The following FAM135B variants were observed in gnomAD, a reference collection of about 807,000 sequenced individuals.
The protein encoded by FAM135B is protein FAM135B.
A neutral mutation model predicts 127.7 loss-of-function variants in FAM135B; 43 were observed. The observed-to-expected ratio is 0.34, with a 90% CI of 0.26 to 0.43. The LOEUF is 0.43. Among genes scored for constraint, FAM135B ranks in the 20% least tolerant of loss-of-function variants. FAM135B has a pLI of 1.00. For missense variants in FAM135B, 1,558 were observed against 1,725.6 expected, an observed-to-expected ratio of 0.90 and a Z score of 1.72; for synonymous variants, 670 against 665.1, an observed-to-expected ratio of 1.01 and a Z score of -0.11.
At chr8:138,376,395 C>T (rs1433447586) in intron 1 of FAM135B, among the ~76,000 whole-genome samples, 1 of 152,202 alleles carries the variant, frequency 6.6e-6, no homozygotes, top group Admixed American at 6.5e-5. Context: ...ATATTCCCAC[C>T]TCTTCCATGT....
At chr8:138,217,802 T>G (rs776524519) in intron 7 of FAM135B, among the ~76,000 whole-genome samples, 1 of 152,188 alleles carries the variant, frequency 6.6e-6, no homozygotes, top group Non-Finnish European at 1.5e-5. Context: ...TGTATCAGTG[T>G]TCATGAACTA....
At chr8:138,403,167 A>T (rs1833246912) in intron 1 of FAM135B, among the ~76,000 whole-genome samples, 1 of 152,186 alleles carries the variant, frequency 6.6e-6, no homozygotes, top group Admixed American at 6.5e-5. Flanking sequence ...TATTTATCTC[A>T]CTTACTCCAC....
At chr8:138,470,309 C>T (rs867249875) in intron 1 of FAM135B, among the ~76,000 whole-genome samples, 2 of 152,170 alleles carry the variant, frequency 1.3e-5, no homozygotes, top group Middle Eastern at 6.8e-3. Flanking sequence ...GTATAAAAAC[C>T]ATATACACCC....
chr8:138,456,826 C>T (rs1836806486), intron 1 of FAM135B, among the ~76,000 whole-genome samples: 1 of 152,034 alleles, frequency 6.6e-6, no homozygotes, highest in Non-Finnish European at 1.5e-5. Context: ...GGTCTATATA[C>T]ATCAGTACTT....
intron 2 of FAM135B, among the ~76,000 whole-genome samples, chr8:138,341,061 G>C (rs1829013850): frequency 6.6e-6 from 1 of 152,062 alleles, no homozygotes; most frequent in South Asian, 2.1e-4. Context: ...TTTAGGACTG[G>C]GTATAAACCC....
chr8:138,407,348 G>A (rs201148835), intron 1 of FAM135B, among the ~76,000 whole-genome samples: 41 of 152,116 alleles, frequency 2.7e-4, no homozygotes, highest in Non-Finnish European at 4.9e-4. Context: ...TAATTTATAG[G>A]TTCAATGCCA....
intron 1 of FAM135B, among the ~76,000 whole-genome samples, chr8:138,455,997 A>C (rs981216468): frequency 5.3e-5 from 8 of 152,318 alleles, no homozygotes; most frequent in African/African-American, 1.4e-4. Flanking sequence ...TCTGTCTCTC[A>C]AATGGGAAAA....
Position 138,132,969 on chromosome 8 carries a change from C to G in FAM135B, c.4016-171G>C, listed in dbSNP as rs888991203. Among the ~76,000 whole-genome samples the G allele has an allele frequency of 6.6e-6, 1 of 152,196 alleles. No homozygotes were observed. The highest frequency in any genetic ancestry group is 1.5e-5 in the Non-Finnish European group (1 of 68,034). On this transcript the variant is annotated intron_variant, in intron 19 of 19. Transcript: ENST00000395297. The surrounding 1 kb of genome is among the most constrained non-coding windows in gnomAD (Gnocchi z 4.5). ...TAATATGAAATAAAATCAAAGTTCT[C>G]TTTTTCTAGTCAGATGACAATAGCC...
At chr8:138,199,518 G>A (rs1219178910) in intron 7 of FAM135B, among the ~76,000 whole-genome samples, 1 of 152,214 alleles carries the variant, frequency 6.6e-6, no homozygotes, top group East Asian at 1.9e-4. Context: ...CGGCCTTGGG[G>A]CAAGGACCAG....
chr8:138,411,203 C>T (rs1023749634), intron 1 of FAM135B, among the ~76,000 whole-genome samples: 2 of 151,650 alleles, frequency 1.3e-5, no homozygotes, highest in African/African-American at 2.4e-5. Flanking sequence ...GCCAAAAGAA[C>T]AAAGCTGGAG....
chr8:138,276,539 G>A (rs1441183553), intron 3 of FAM135B, among the ~76,000 whole-genome samples: 7 of 152,158 alleles, frequency 4.6e-5, no homozygotes, highest in African/African-American at 1.4e-4. Flanking sequence ...AGCAGGGCCT[G>A]CCCACTCCAG....
At chr8:138,188,460 T>G (rs927724426) in intron 9 of FAM135B, among the ~76,000 whole-genome samples, 1 of 152,284 alleles carries the variant, frequency 6.6e-6, no homozygotes, top group South Asian at 2.1e-4. Context: ...GTCAGAGAGT[T>G]GGCAAGGTTG....
chr8:138,222,301 T>C (rs1819083008), intron 7 of FAM135B, among the ~76,000 whole-genome samples: 1 of 152,068 alleles, frequency 6.6e-6, no homozygotes, highest in South Asian at 2.1e-4. Context: ...TGAATGGCAA[T>C]CGCCTGCCCA....
At chr8:138,401,227 A>T (rs927908282) in intron 1 of FAM135B, among the ~76,000 whole-genome samples, 1 of 152,194 alleles carries the variant, frequency 6.6e-6, no homozygotes, top group Non-Finnish European at 1.5e-5. Flanking sequence ...TCTAAGCAGG[A>T]CTAGTGCAGA....
At chr8:138,295,484 C>G (rs1204200912) in intron 3 of FAM135B, among the ~76,000 whole-genome samples, 1 of 151,968 alleles carries the variant, frequency 6.6e-6, no homozygotes, top group Admixed American at 6.6e-5. Context: ...CTGCAGGGGC[C>G]AAGGGAGGAA....
At chr8:138,418,208 T>G (rs1203622198) in intron 1 of FAM135B, among the ~76,000 whole-genome samples, 1 of 152,142 alleles carries the variant, frequency 6.6e-6, no homozygotes, top group Admixed American at 6.6e-5. Flanking sequence ...ATCTCAGAGC[T>G]TGAATACTGG....
intron 2 of FAM135B, among the ~76,000 whole-genome samples, chr8:138,312,776 G>A (rs907319409): frequency 1.3e-5 from 2 of 152,154 alleles, no homozygotes; most frequent in Non-Finnish European, 1.5e-5. Flanking sequence ...CTTCAGCAGG[G>A]AGCCAGGCTT....
At chr8:138,436,807 G>GT (rs1373482299) in intron 1 of FAM135B, 7 of 152,216 alleles carry the variant, frequency 4.6e-5, no homozygotes. Flanking sequence ...AGATTTCTGA[G>GT]TCTTAATTTC....
intron 7 of FAM135B, among the ~76,000 whole-genome samples, chr8:138,226,356 A>G (rs887141769): frequency 6.6e-6 from 1 of 152,118 alleles, no homozygotes; most frequent in African/African-American, 2.4e-5. Context: ...GCACAAAAGG[A>G]AAGGAACAGA....
Sources: gnomAD v4.1 joint callset for allele counts (sites outside exome capture counted in the v4.1 genomes callset) on GRCh38, gnomAD v4.1.1 for gene constraint, Gnocchi (gnomAD v3.1) non-coding constraint, MANE v1.5 for transcripts, NCBI Gene and HGNC (gene_info 2026-07-23, HGNC 2026-07-21) for gene names.